ZBTB8OS: variants seen among roughly 807,000 people sequenced by gnomAD.
ZBTB8OS encodes tRNA splicing ligase complex subunit 1, also known as tRNA-splicing ligase-activating factor archease.
ZBTB8OS carries 16 observed loss-of-function variants against 29.3 expected under a neutral mutation model. The ratio of observed to expected loss-of-function variants is 0.55; its 90% CI spans 0.37 to 0.83. The LOEUF is 0.83. ZBTB8OS is among the 40% of genes least tolerant of loss of function. The pLI, the probability that ZBTB8OS is intolerant of heterozygous loss-of-function variation, is 0.00. For missense variants in ZBTB8OS, 160 were observed against 196.9 expected, an observed-to-expected ratio of 0.81 and a Z score of 1.12; for synonymous variants, 70 against 64.6, an observed-to-expected ratio of 1.08 and a Z score of -0.40.
intron 5 of ZBTB8OS, among the ~76,000 whole-genome samples, chr1:32,628,913 G>A (rs985223062): frequency 1.3e-5 from 2 of 152,054 alleles, no homozygotes; most frequent in African/African-American, 4.8e-5. Context: ...TCCCAGCCTG[G>A]GCAACAGAGT....
At chr1:32,637,326 G>A (rs1646046931) in intron 1 of ZBTB8OS, among the ~76,000 whole-genome samples, 1 of 152,140 alleles carries the variant, frequency 6.6e-6, no homozygotes, top group Non-Finnish European at 1.5e-5. Flanking sequence ...CACTTGGGGA[G>A]GCCGAGGTGG....
chr1:32,627,636 G>C, intron 5 of ZBTB8OS, 92 bp from the exon 6 acceptor site: 10 of 1,250,712 alleles, frequency 8.0e-6, no homozygotes, highest in Middle Eastern at 2.0e-4. Context: ...ATGCTAGAAA[G>C]CCAAAAGAGA....
At chr1:32,624,708 A>C (rs1354927387) in intron 6 of ZBTB8OS, among the ~76,000 whole-genome samples, 2 of 151,950 alleles carry the variant, frequency 1.3e-5, no homozygotes, top group Non-Finnish European at 2.9e-5. Flanking sequence ...AGCCTGACCA[A>C]CATGGTGAAA....
rs1039119254 is a variant in ZBTB8OS at position 32,649,614 on chromosome 1, G to A, written c.97+819C>T. On this transcript the variant is annotated intron_variant, in intron 1 of 6. Coordinates refer to ENST00000468695, the MANE Select transcript of ZBTB8OS (RefSeq NM_178547.5). ...ATTGCACTCCAGCCTGGACGACAGA[G>A]CGAGACCCCATCTCTAAAAACACAC... Among the ~76,000 whole-genome samples, 5 of 150,796 alleles carry A rather than the reference G, an allele frequency of 3.3e-5. No individual in the cohort carries two copies. The Middle Eastern group carries it at 0.01, about 312-fold the overall frequency.
intron 3 of ZBTB8OS, 90 bp from the exon 4 acceptor site, chr1:32,633,817 G>A: frequency 6.8e-7 from 1 of 1,462,268 alleles, no homozygotes; most frequent in Non-Finnish European, 9.2e-7. Flanking sequence ...TCTTAGGTCA[G>A]TTTAAAGAGA....
intron 6 of ZBTB8OS, among the ~76,000 whole-genome samples, chr1:32,626,918 A>T (rs976184684): frequency 1.3e-5 from 2 of 152,218 alleles, no homozygotes; most frequent in Non-Finnish European, 2.9e-5. Context: ...TTTGAAAATG[A>T]TAAGAAATTC....
intron 2 of ZBTB8OS, 191 bp from the exon 3 acceptor site, chr1:32,634,263 G>C (rs984623212): frequency 2.4e-6 from 1 of 412,160 alleles, no homozygotes; most frequent in Non-Finnish European, 4.1e-6. Context: ...GTCTCACTCT[G>C]TTGCCCAAGC....
At chr1:32,637,173 T>A (rs1262046531) in intron 1 of ZBTB8OS, among the ~76,000 whole-genome samples, 1 of 152,086 alleles carries the variant, frequency 6.6e-6, no homozygotes, top group Non-Finnish European at 1.5e-5. Context: ...GGAGCTCAGC[T>A]CTTTTCCCAC....
intron 1 of ZBTB8OS, among the ~76,000 whole-genome samples, chr1:32,641,573 A>G (rs1646409629): frequency 1.4e-5 from 2 of 142,624 alleles, no homozygotes; most frequent in Admixed American, 7.0e-5. Flanking sequence ...CGCCCGGCCA[A>G]TTATTGTTCT....
intron 1 of ZBTB8OS, among the ~76,000 whole-genome samples, chr1:32,648,006 T>C (rs566335394): frequency 6.6e-6 from 1 of 151,868 alleles, no homozygotes; most frequent in Non-Finnish European, 1.5e-5. Flanking sequence ...AAAAACACTT[T>C]CTGCCTAGTA....
intron 5 of ZBTB8OS, among the ~76,000 whole-genome samples, chr1:32,628,635 C>CAA (rs1173552538): frequency 3.7e-5 from 4 of 108,610 alleles, no homozygotes; most frequent in Admixed American, 9.9e-5. Context: ...GACTCTGTCT[C>CAA]AAAAAAAAAA....
At position 32,641,093 on chromosome 1, in the gene ZBTB8OS, A is replaced by G. The variant is rs115507256; in HGVS notation, c.98-6301T>C. On this transcript the variant is annotated intron_variant, in intron 1 of 6. Coordinates refer to ENST00000468695, the MANE Select transcript of ZBTB8OS (RefSeq NM_178547.5). ...AGGCCGAGGCAGAAGAATCCCTTGA[A>G]CCTAGAAGGTGGAGGTTGCAGTAAG... Among the ~76,000 whole-genome samples the G allele has an allele frequency of 3.6e-3, 542 of 151,680 alleles. 5 individuals are homozygous for G. The highest frequency in any genetic ancestry group is 0.012 in the African/African-American group (513 of 41,374).
intron 1 of ZBTB8OS, among the ~76,000 whole-genome samples, chr1:32,637,290 G>A (rs541262062): frequency 8.5e-5 from 13 of 152,252 alleles, no homozygotes; most frequent in African/African-American, 2.6e-4. Context: ...CTGGCCGGGC[G>A]CGGTGGCTCA....
intron 1 of ZBTB8OS, among the ~76,000 whole-genome samples, chr1:32,639,632 C>A (rs1032910647): frequency 1.3e-5 from 2 of 151,954 alleles, no homozygotes; most frequent in African/African-American, 4.8e-5. Context: ...GTAGTGCATG[C>A]CTGTAGTCCC....
intron 1 of ZBTB8OS, among the ~76,000 whole-genome samples, chr1:32,636,960 C>T (rs570821191): frequency 5.9e-5 from 9 of 152,114 alleles, no homozygotes; most frequent in African/African-American, 1.9e-4. Context: ...ATGTAATCAA[C>T]GGGAAGGATG....
rs201629809 is a variant in ZBTB8OS at position 32,634,992 on chromosome 1, GC to G, written c.98-201del. ...GCTTTGTTGGAATCTTTTTTTTTTT[GC>G]GGGGACAGAGAGCCAAGATCGCGCC... On this transcript the variant is annotated intron_variant, in intron 1 of 6. Transcript: ENST00000468695. Among the ~76,000 whole-genome samples, 22 of 145,408 alleles carry G rather than the reference GC, an allele frequency of 1.5e-4. No homozygotes were observed. In the South Asian group the frequency reaches 2.0e-3, roughly 13 times the overall value.
chr1:32,632,835 C>G (rs1645677467), intron 4 of ZBTB8OS, among the ~76,000 whole-genome samples: 1 of 152,068 alleles, frequency 6.6e-6, no homozygotes, highest in African/African-American at 2.4e-5. Flanking sequence ...TTGTTTAACG[C>G]TGGGGGAAAA....
chr1:32,645,281 T>C (rs1189400326), intron 1 of ZBTB8OS, among the ~76,000 whole-genome samples: 14 of 152,092 alleles, frequency 9.2e-5, no homozygotes. Context: ...GACGATTGCT[T>C]AAGGCCAGGA....
chr1:32,630,651 A>G (rs7540549), intron 5 of ZBTB8OS, among the ~76,000 whole-genome samples: 4,074 of 152,240 alleles, frequency 0.027, 181 homozygotes, highest in African/African-American at 0.092. Flanking sequence ...CCAAGGCAGG[A>G]GGATCACTTG....
Sources: gnomAD v4.1 joint callset for allele counts (sites outside exome capture counted in the v4.1 genomes callset) on GRCh38, gnomAD v4.1.1 for gene constraint, MANE v1.5 for transcripts, NCBI Gene and HGNC (gene_info 2026-07-23, HGNC 2026-07-21) for gene names.